Variants in ROBO1 observed in about 807,000 individuals in gnomAD.
ROBO1 encodes roundabout guidance receptor 1, also known as roundabout homolog 1.
ROBO1 carries 149 observed loss-of-function variants against 195.9 expected under a neutral mutation model. The ratio of observed to expected loss-of-function variants is 0.76; its 90% confidence interval spans 0.67 to 0.87. The LOEUF (loss-of-function observed/expected upper bound fraction) is 0.87, where lower values mean the gene tolerates loss of function less well. Ranked by LOEUF, ROBO1 falls within the 40% of genes least tolerant of loss-of-function variation. The pLI is 0.00. For missense variants in ROBO1, 1,933 were observed against 2,068.3 expected, an observed-to-expected ratio of 0.93 and a Z score of 1.27; for synonymous variants, 816 against 733.2, an observed-to-expected ratio of 1.11 and a Z score of -1.82.
chr3:78,835,298 A>C (rs2032608038), intron 4 of ROBO1, among the ~76,000 whole-genome samples: 1 of 152,194 alleles, frequency 6.6e-6, no homozygotes, highest in South Asian at 2.1e-4. Flanking sequence ...CAATCAGTAG[A>C]AAAGTAAATT....
At chr3:78,824,277 T>G (rs182880911) in intron 4 of ROBO1, among the ~76,000 whole-genome samples, 1 of 152,240 alleles carries the variant, frequency 6.6e-6, no homozygotes, top group African/African-American at 2.4e-5. Context: ...TTTTTGCAAT[T>G]GAAAGTAATG....
intron 4 of ROBO1, among the ~76,000 whole-genome samples, chr3:78,828,201 T>C (rs959481365): frequency 1.3e-5 from 2 of 152,210 alleles, no homozygotes; most frequent in Non-Finnish European, 1.5e-5. Flanking sequence ...CTTCCTCTTC[T>C]TCTCAGCATA....
chr3:78,828,361 T>C (rs529216232), intron 4 of ROBO1, among the ~76,000 whole-genome samples: 37 of 152,272 alleles, frequency 2.4e-4, no homozygotes, highest in Admixed American at 6.5e-4. Context: ...CAAAAGGTGG[T>C]CAGTGGAACA....
At chr3:78,605,108 C>T (rs1703390969) in intron 29 of ROBO1, among the ~76,000 whole-genome samples, 2 of 152,194 alleles carry the variant, frequency 1.3e-5, no homozygotes, top group African/African-American at 4.8e-5. Context: ...TTCTAACCCA[C>T]AAAAAACATA....
At chr3:79,396,028 C>A (rs2037142102) in intron 2 of ROBO1, among the ~76,000 whole-genome samples, 1 of 152,018 alleles carries the variant, frequency 6.6e-6, no homozygotes, top group Admixed American at 6.6e-5. Context: ...TTTTGAGATA[C>A]CTCTTTGGCA....
At chr3:78,926,344 G>C (rs1468706371) in intron 4 of ROBO1, among the ~76,000 whole-genome samples, 2 of 152,264 alleles carry the variant, frequency 1.3e-5, no homozygotes, top group Middle Eastern at 3.4e-3. Context: ...GAGTATTATA[G>C]TTACTAAGAT....
intron 3 of ROBO1, among the ~76,000 whole-genome samples, chr3:79,008,902 T>TGTGTGC (rs1243134353): frequency 2.0e-5 from 3 of 148,702 alleles, no homozygotes; most frequent in African/African-American, 5.0e-5. Flanking sequence ...TGTGTGTGTG[T>TGTGTGC]GTGTGTGTGT....
At chr3:79,188,917 T>C (rs1042222919) in intron 2 of ROBO1, among the ~76,000 whole-genome samples, 1 of 151,790 alleles carries the variant, frequency 6.6e-6, no homozygotes, top group Non-Finnish European at 1.5e-5. Context: ...AGATCTCTCA[T>C]GAATGAGACT....
intron 2 of ROBO1, among the ~76,000 whole-genome samples, chr3:79,502,104 G>A (rs966060268): frequency 6.6e-6 from 1 of 152,152 alleles, no homozygotes; most frequent in Non-Finnish European, 1.5e-5. Flanking sequence ...GGCAGCCCTC[G>A]CAGCCCTCAC....
intron 3 of ROBO1, among the ~76,000 whole-genome samples, chr3:79,060,924 C>T (rs920822621): frequency 1.3e-5 from 2 of 152,122 alleles, no homozygotes; most frequent in African/African-American, 4.8e-5. Flanking sequence ...GAAGCATTCC[C>T]TTTGAAAACT....
chr3:79,283,759 G>A (rs1169130101), intron 2 of ROBO1, among the ~76,000 whole-genome samples: 7 of 149,954 alleles, frequency 4.7e-5, no homozygotes, highest in Admixed American at 1.3e-4. Context: ...GTGCAGTGGC[G>A]CGATCTCCGC....
chr3:79,077,568 T>C (rs955236512), intron 3 of ROBO1, among the ~76,000 whole-genome samples: 4 of 151,914 alleles, frequency 2.6e-5, no homozygotes, highest in African/African-American at 9.7e-5. Context: ...ATTACTATTT[T>C]GTAAAGGAAA....
At chr3:79,376,970 C>A (rs188713003) in intron 2 of ROBO1, among the ~76,000 whole-genome samples, 2 of 152,080 alleles carry the variant, frequency 1.3e-5, no homozygotes, top group Admixed American at 1.3e-4. Context: ...TACATGCAAC[C>A]ACAGTACTGT....
At chr3:79,075,906 A>C (rs993051861) in intron 3 of ROBO1, among the ~76,000 whole-genome samples, 1 of 151,728 alleles carries the variant, frequency 6.6e-6, no homozygotes, top group African/African-American at 2.4e-5. Context: ...TATTTGGACA[A>C]TTGATATTAC....
At chr3:79,600,733 A>C (rs1387496477) in intron 1 of ROBO1, among the ~76,000 whole-genome samples, 1 of 151,954 alleles carries the variant, frequency 6.6e-6, no homozygotes, top group East Asian at 1.9e-4. Context: ...CACTGTGCTA[A>C]TTTCACATTT....
intron 2 of ROBO1, among the ~76,000 whole-genome samples, chr3:79,308,762 C>G (rs536984562): frequency 7.2e-5 from 11 of 152,138 alleles, no homozygotes; most frequent in African/African-American, 2.2e-4. Flanking sequence ...GACTTATCTT[C>G]TCTGCAATAT....
intron 4 of ROBO1, among the ~76,000 whole-genome samples, chr3:78,797,327 T>C (rs1281095749): frequency 6.6e-6 from 1 of 152,224 alleles, no homozygotes; most frequent in Non-Finnish European, 1.5e-5. Context: ...CTTGTTTACA[T>C]TACTTGGTAT....
intron 1 of ROBO1, among the ~76,000 whole-genome samples, chr3:79,692,835 T>G (rs1018974959): frequency 3.3e-5 from 5 of 151,940 alleles, no homozygotes; most frequent in Non-Finnish European, 5.9e-5. Flanking sequence ...TTACAATTTT[T>G]TTCAGATTTT....
chr3:78,709,739 T>C (rs1174817823), intron 8 of ROBO1, among the ~76,000 whole-genome samples: 1 of 152,158 alleles, frequency 6.6e-6, no homozygotes, highest in East Asian at 1.9e-4. Flanking sequence ...ATGGATAATC[T>C]TACTAGTCTC....
Sources: gnomAD v4.1 joint callset for allele counts (sites outside exome capture counted in the v4.1 genomes callset) on GRCh38, gnomAD v4.1.1 for gene constraint, MANE v1.5 for transcripts, NCBI Gene and HGNC (gene_info 2026-07-23, HGNC 2026-07-21) for gene names.